Variants in ZPR1 observed in about 807,000 individuals in gnomAD.
The protein encoded by ZPR1 is zinc finger protein ZPR1.
A neutral mutation model predicts 59.6 loss-of-function variants in ZPR1; 37 were observed. The ratio of observed to expected loss-of-function variants is 0.62; its 90% CI spans 0.48 to 0.82. ZPR1 has a LOEUF of 0.82. ZPR1 is among the 40% of genes least tolerant of loss of function. The pLI is 0.00. For missense variants in ZPR1, 527 were observed against 579.9 expected (o/e 0.91, Z 0.94); for synonymous variants, 191 against 215.2 (o/e 0.89, Z 0.99).
At chr11:116,783,741 G>T (rs752982186) in intron 9 of ZPR1, 122 bp from the exon 10 acceptor site, 129 of 740,880 alleles carry the variant, frequency 1.7e-4, no homozygotes, top group Non-Finnish European at 2.6e-4. Flanking sequence ...ACCAAAGAAA[G>T]AGCCTTCTAA....
Position 116,787,575 on chromosome 11 carries a change from G to C in ZPR1, c.240C>G (p.Cys80Trp), listed in dbSNP as rs1374645416. 2 of 1,614,110 alleles carry C rather than the reference G, an allele frequency of 1.2e-6. No homozygotes were observed. The highest frequency in any genetic ancestry group is 2.7e-5 in the African/African-American group (2 of 74,934). The change falls in exon 2 of 14, where the codon TGC becomes TGG. Residue 80 changes from cysteine to tryptophan, a missense_variant. Physicochemically the swap from Cys to Trp is radical, Grantham distance 215. Coordinates refer to ENST00000227322, the MANE Select transcript of ZPR1 (RefSeq NM_003904.5). ...CCGTGTTGTTCCAGCCACAGTGCTC[G>C]CAGGAAAAGGAGCTCACTATTATTT... ...FREIIVSSFS[C>W]EHCGWNNTEI...
rs377730143 is a variant in ZPR1 at position 116,785,162 on chromosome 11, T to C, written c.706-16A>G. 4 of 1,613,734 alleles carry C rather than the reference T, an allele frequency of 2.5e-6. No homozygotes were observed. In the African/African-American group the frequency reaches 5.3e-5, roughly 22 times the overall value. On this transcript the variant is annotated splice_polypyrimidine_tract_variant and intron_variant, in intron 6 of 13. Transcript: ENST00000227322. ...GTGCTTCTTCCTAAAATAGCAAAGATGCAGGTCGCAAGTTGGCAGGTATAC... is the reference window on the plus strand; with the variant it reads ...GTGCTTCTTCCTAAAATAGCAAAGACGCAGGTCGCAAGTTGGCAGGTATAC...
chr11:116,784,759 A>C, intron 8 of ZPR1, 96 bp downstream of exon 8: 1 of 1,255,132 alleles, frequency 8.0e-7, no homozygotes. Context: ...CTGGGTATAA[A>C]GCATGTGTTT....
In ZPR1 at chr11:116,787,876, C is replaced by A; in HGVS notation, c.115G>T (p.Asp39Tyr). The A allele has an allele frequency of 6.5e-7, 1 of 1,531,598 alleles. No individual in the cohort carries two copies. The highest frequency in any genetic ancestry group is 8.8e-7 in the Non-Finnish European group (1 of 1,140,112). 94.9% of individuals were successfully genotyped at this position (1,531,598 alleles called of 1,614,324 possible). ...DHLFRPISAE[D>Y]EEQQPTEIES... ...ATCTCGGTGGGCTGCTGCTCCTCGT[C>A]CTCGGCGCTGATGGGCCGGAACAGG... The change falls in exon 1 of 14, where the codon GAC becomes TAC. Residue 39 changes from aspartate to tyrosine, a missense_variant. By Grantham distance (160) the Asp-to-Tyr change is radical. Coordinates refer to ENST00000227322, the MANE Select transcript of ZPR1 (RefSeq NM_003904.5).
rs940831552 is a variant in ZPR1, at chr11:116,787,955, C to T, written c.36G>A (p.Pro12=). 2.1e-6 allele frequency: 3 copies of T among 1,456,838 alleles called. No individual in the cohort carries two copies. Among genetic ancestry groups the T allele is most frequent in the African/African-American group, 1.5e-5 (1 of 67,378 alleles). 90.2% of individuals were successfully genotyped at this position (1,456,838 alleles called of 1,614,324 possible). ...CGGGCGACGGGGCGACGGCAGCCCC[C>T]GGGGGCCCTGGTTCCACAGCCCCGC... ...AASGAVEPGP[P]GAAVAPSPAP... is the part of the protein sequence containing the mutation. Residue 12 remains proline (P), a synonymous_variant, in exon 1 of 14, where the codon CCG becomes CCA. Transcript: ENST00000227322.
In ZPR1 at chr11:116,775,645, A is replaced by AAAAAAAAT. The variant is rs1940713678; in HGVS notation, c.*3279_*3280insATTTTTTT. 1.1e-5 allele frequency: 1 copy of AAAAAAAAT among 92,512 alleles called. No homozygotes were observed. The highest frequency in any genetic ancestry group is 2.7e-5 in the Non-Finnish European group (1 of 37,466). The allele number at this position is 92,512 out of a possible 1,614,324, so 5.7% of individuals were successfully genotyped here. On this transcript the variant is annotated 3_prime_UTR_variant, in exon 14 of 14. Coordinates refer to ENST00000227322, the MANE Select transcript of ZPR1 (RefSeq NM_003904.5). ...TCCGTCTCAAAAAAAAAAAAAAAAA[A>AAAAAAAAT]AAAAAAAAAAAAAAAAAGCTCTGCT...
intron 4 of ZPR1, 113 bp from the exon 5 acceptor site, chr11:116,785,995 G>T: frequency 1.1e-6 from 1 of 899,400 alleles, no homozygotes. Context: ...AGTGTGAGTG[G>T]AAACAGAGTG....
chr11:116,784,252 C>G lies in ZPR1; in HGVS notation c.891+126G>C, dbSNP rs183524141. 7.2e-4 allele frequency: 671 copies of G among 932,198 alleles called. 2 individuals are homozygous for G. Among genetic ancestry groups the G allele is most frequent in the African/African-American group, 5.4e-3 (332 of 61,086 alleles). The allele number at this position is 932,198 out of a possible 1,614,324, so 57.7% of individuals were successfully genotyped here. On this transcript the variant is annotated intron_variant, in intron 9 of 13. Transcript: ENST00000227322. ...AAGGGCTCATCACCCTGCACTAGACCTAAGAAAAAGACCCAAGCTACTCTA... is the reference window on the plus strand; with the variant it reads ...AAGGGCTCATCACCCTGCACTAGACGTAAGAAAAAGACCCAAGCTACTCTA...
intron 12 of ZPR1, among the ~76,000 whole-genome samples, chr11:116,780,087 A>G (rs1488246253): frequency 6.6e-6 from 1 of 151,174 alleles, no homozygotes; most frequent in Non-Finnish European, 1.5e-5. Context: ...AAATGAAAGT[A>G]AAGAAAAATT....
At position 116,778,541 on chromosome 11, in the gene ZPR1, C is replaced by G; in HGVS notation, c.*384G>C. On this transcript the variant is annotated 3_prime_UTR_variant, in exon 14 of 14. Coordinates refer to ENST00000227322, the MANE Select transcript of ZPR1 (RefSeq NM_003904.5). ...CTGTTCAAAGTCAGTATTTTATATA[C>G]TCAAAACCAACAACAAACTCCAGGT... is the stretch of plus-strand genomic sequence containing the variant. The G allele has an allele frequency of 4.9e-6, 1 of 204,886 alleles. No individual in the cohort carries two copies. Among genetic ancestry groups the G allele is most frequent in the Non-Finnish European group, 1.0e-5 (1 of 99,784 alleles). The allele number at this position is 204,886 out of a possible 1,614,324, so 12.7% of individuals were successfully genotyped here.
chr11:116,785,149 AAAATAGC>A lies in ZPR1; in HGVS notation c.706-10_706-4del. ...GGCTTCTCTGCTGGTGCTTCTTCCT[AAAATAGC>A]AAAGATGCAGGTCGCAAGTTGGCAG... On this transcript the variant is annotated splice_polypyrimidine_tract_variant and splice_region_variant and intron_variant, in intron 6 of 13. Transcript: ENST00000227322. 1 of 1,613,894 alleles carries A rather than the reference AAAATAGC, an allele frequency of 6.2e-7. No homozygotes were observed.
Position 116,776,206 on chromosome 11 carries a change from C to G in ZPR1, c.*2719G>C, listed in dbSNP as rs555211155. On this transcript the variant is annotated 3_prime_UTR_variant, in exon 14 of 14. Coordinates refer to ENST00000227322, the MANE Select transcript of ZPR1 (RefSeq NM_003904.5). The stretch of plus-strand genomic sequence containing the variant: ...ATACTTGACCCATGAAAGTAGGAGG[C>G]GTGCCCTCATGCATGAACCACTTTC... 3.3e-5 allele frequency: 5 copies of G among 152,230 alleles called. No homozygotes were observed. The highest frequency in any genetic ancestry group is 7.3e-5 in the Non-Finnish European group (5 of 68,042). The allele number at this position is 152,230 out of a possible 1,614,324, so 9.4% of individuals were successfully genotyped here.
chr11:116,782,807 A>C (rs529659029), intron 11 of ZPR1, 112 bp downstream of exon 11: 1 of 800,264 alleles, frequency 1.2e-6, no homozygotes, highest in East Asian at 2.5e-5. Flanking sequence ...GCTTTAAGGC[A>C]AAGAAACCCA....
Position 116,779,004 on chromosome 11 carries a change from G to A in ZPR1, c.1301C>T (p.Thr434Ile). ...CCCTAGCTCCTCATTTTGGTCAAAG[G>A]TGCGCTTGTAACGCTCCACCTTCAT... ...PEMKVERYKR[T>I]FDQNEELGLN... Residue 434 changes from threonine (T) to isoleucine (I), a missense_variant, in exon 14 of 14, where the codon ACC (threonine) becomes ATC (isoleucine). Transcript: ENST00000227322. 2 of 1,614,134 alleles carry A rather than the reference G, an allele frequency of 1.2e-6. No individual in the cohort carries two copies. The highest frequency in any genetic ancestry group is 1.7e-6 in the Non-Finnish European group (2 of 1,180,038).
intron 2 of ZPR1, 68 bp downstream of exon 2, chr11:116,787,414 C>T: frequency 1.3e-6 from 2 of 1,530,452 alleles, no homozygotes; most frequent in Non-Finnish European, 1.8e-6. Context: ...CCGCCTGGAC[C>T]AGAGCTCTGA....
intron 13 of ZPR1, 64 bp downstream of exon 13, chr11:116,779,708 G>T (rs1462864161): frequency 3.3e-6 from 4 of 1,217,304 alleles, no homozygotes; most frequent in African/African-American, 1.5e-5. Flanking sequence ...CTAGGGAAAT[G>T]ATACATATTC....
In ZPR1 at chr11:116,787,629, G is replaced by A. The variant is rs1356967703; in HGVS notation, c.186C>T (p.Leu62=). The change falls in exon 2 of 14, where the codon CTC becomes CTT. Residue 62 remains leucine, a synonymous_variant. Transcript: ENST00000227322. ...MNCYCNGMTR[L]LLTKIPFFRE... ...TGAAGAAGGGAATCTTGGTGAGCAG[G>A]AGGCGCGTCATGCCCTGGTGAAGTA... The A allele has an allele frequency of 1.2e-6, 2 of 1,611,680 alleles. No individual in the cohort carries two copies. The highest frequency in any genetic ancestry group is 1.7e-6 in the Non-Finnish European group (2 of 1,178,024).
chr11:116,786,989 G>A lies in ZPR1; in HGVS notation c.404C>T (p.Pro135Leu). 2 of 1,614,174 alleles carry A rather than the reference G, an allele frequency of 1.2e-6. No individual in the cohort carries two copies. The highest frequency in any genetic ancestry group is 1.7e-6 in the Non-Finnish European group (2 of 1,179,988). Residue 135 changes from proline to leucine, a missense_variant, in exon 3 of 14, where the codon CCT (proline) becomes CTT (leucine). Transcript: ENST00000227322. ...CTTACCTCCTTTCTGGCTAAAGGCA[G>A]GAATTTCAAAATCTAGCTCAGGAAT... ...TRIPELDFEI[P>L]AFSQKGALTT...
rs773422379 is a variant in ZPR1, at chr11:116,787,505, T to C, written c.310A>G (p.Thr104Ala). Residue 104 changes from threonine to alanine, a missense_variant, in exon 2 of 14, where the codon ACT becomes GCT. Transcript: ENST00000227322. ...ACCTCCAGAGCCCTGACAGACAAAGTGTAGCGCACTCCCTGGTCCTGGATC... is the reference window on the plus strand; with the variant it reads ...ACCTCCAGAGCCCTGACAGACAAAGCGTAGCGCACTCCCTGGTCCTGGATC... Reference protein sequence around the residue: ...GRIQDQGVRYTLSVRALEDMN... With the variant: ...GRIQDQGVRYALSVRALEDMN... The C allele has an allele frequency of 1.6e-5, 26 of 1,613,962 alleles. No homozygotes were observed. In the African/African-American group the frequency reaches 2.7e-4, roughly 17 times the overall value.
Sources: gnomAD v4.1 joint callset for allele counts (sites outside exome capture counted in the v4.1 genomes callset) on GRCh38, gnomAD v4.1.1 for gene constraint, MANE v1.5 for transcripts, NCBI Gene and HGNC (gene_info 2026-07-23, HGNC 2026-07-21) for gene names.